LDB2: variants seen among roughly 807,000 people sequenced by gnomAD.
LDB2 encodes the protein LIM domain-binding protein 2.
In LDB2, 12 loss-of-function variants were observed where a neutral mutation model predicts 44.3. The observed-to-expected ratio is 0.27, with a 90% CI of 0.17 to 0.44. The LOEUF (loss-of-function observed/expected upper bound fraction) is 0.44. LDB2 is among the 20% of genes least tolerant of loss of function. LDB2 has a pLI of 1.00. For missense variants in LDB2, 344 were observed against 473.5 expected (o/e 0.73, Z 2.54); for synonymous variants, 164 against 174.8 (o/e 0.94, Z 0.49).
chr4:16,577,674 C>T (rs1712299460), intron 5 of LDB2, among the ~76,000 whole-genome samples: 1 of 152,062 alleles, frequency 6.6e-6, no homozygotes, highest in African/African-American at 2.4e-5. Context: ...TAATGCAATC[C>T]CTATCAAAAT....
At chr4:16,646,349 A>G (rs1406498994) in intron 2 of LDB2, among the ~76,000 whole-genome samples, 1 of 152,190 alleles carries the variant, frequency 6.6e-6, no homozygotes, top group African/African-American at 2.4e-5. Context: ...GTGGAATATT[A>G]GATCCTTCTT....
chr4:16,625,917 C>T (rs1332745745), intron 2 of LDB2, among the ~76,000 whole-genome samples: 1 of 152,114 alleles, frequency 6.6e-6, no homozygotes, highest in Non-Finnish European at 1.5e-5. Context: ...TAAGAATGGT[C>T]TTCTTACTGG....
chr4:16,816,952 GC>G (rs899338142), intron 1 of LDB2, among the ~76,000 whole-genome samples: 4 of 151,798 alleles, frequency 2.6e-5, no homozygotes, highest in Non-Finnish European at 4.4e-5. Flanking sequence ...TGTCATCTGC[GC>G]CCTGTACTTA....
chr4:16,561,458 C>G (rs1354787807), intron 5 of LDB2, among the ~76,000 whole-genome samples: 2 of 152,174 alleles, frequency 1.3e-5, no homozygotes, highest in African/African-American at 2.4e-5. Flanking sequence ...TGAGTGAACT[C>G]CCATTCACAA....
intron 1 of LDB2, among the ~76,000 whole-genome samples, chr4:16,759,665 C>A (rs1049842416): frequency 6.6e-6 from 1 of 152,096 alleles, no homozygotes; most frequent in Non-Finnish European, 1.5e-5. Context: ...ATATTACAAC[C>A]AGGTTAAACA....
At chr4:16,809,019 T>C (rs1779291493) in intron 1 of LDB2, among the ~76,000 whole-genome samples, 1 of 152,212 alleles carries the variant, frequency 6.6e-6, no homozygotes, top group African/African-American at 2.4e-5. Context: ...GAATTATATG[T>C]CATTTCTAGA....
intron 1 of LDB2, chr4:16,889,421 T>G (rs1037724876): frequency 1.3e-5 from 2 of 152,196 alleles, no homozygotes; most frequent in Non-Finnish European, 2.9e-5. Context: ...CCAACAGATT[T>G]GCACTATCCA....
chr4:16,682,904 TC>T (rs908636491), intron 2 of LDB2, among the ~76,000 whole-genome samples: 1 of 152,246 alleles, frequency 6.6e-6, no homozygotes, highest in African/African-American at 2.4e-5. Flanking sequence ...GTAATACCTC[TC>T]AAGAAACTCT....
intron 2 of LDB2, among the ~76,000 whole-genome samples, chr4:16,693,500 C>T (rs778855549): frequency 5.3e-5 from 8 of 152,210 alleles, no homozygotes; most frequent in Admixed American, 3.9e-4. Context: ...GGACCACAGG[C>T]GTGTGCCACC....
intron 1 of LDB2, among the ~76,000 whole-genome samples, chr4:16,797,894 G>A (rs1579761043): frequency 6.6e-6 from 1 of 151,818 alleles, no homozygotes; most frequent in South Asian, 2.1e-4. Flanking sequence ...AATTAGCCAG[G>A]CATGGTGACA....
chr4:16,592,277 T>A (rs896084143), intron 3 of LDB2, among the ~76,000 whole-genome samples: 8 of 152,094 alleles, frequency 5.3e-5, no homozygotes, highest in African/African-American at 1.9e-4. Flanking sequence ...CATAATACAA[T>A]GATTCTCATA....
intron 5 of LDB2, among the ~76,000 whole-genome samples, chr4:16,566,228 GA>G (rs1471513422): frequency 6.6e-6 from 1 of 151,834 alleles, no homozygotes; most frequent in African/African-American, 2.4e-5. Context: ...CACAAATCCT[GA>G]AAAGAAGAAT....
At chr4:16,667,240 A>G (rs949463636) in intron 2 of LDB2, among the ~76,000 whole-genome samples, 2 of 152,192 alleles carry the variant, frequency 1.3e-5, no homozygotes, top group African/African-American at 2.4e-5. Context: ...AGGTATTTTC[A>G]TCACACCATG....
At chr4:16,557,811 A>G (rs912255573) in intron 5 of LDB2, among the ~76,000 whole-genome samples, 7 of 151,928 alleles carry the variant, frequency 4.6e-5, no homozygotes, top group Non-Finnish European at 1.0e-4. Flanking sequence ...ACTGGGAGGC[A>G]CCCCCCAGTA....
intron 1 of LDB2, among the ~76,000 whole-genome samples, chr4:16,848,535 A>G (rs1041230980): frequency 2.0e-5 from 3 of 152,212 alleles, no homozygotes; most frequent in African/African-American, 7.2e-5. Flanking sequence ...TTTGGCCTTC[A>G]GAGACATCCA....
chr4:16,673,734 C>A (rs567168075), intron 2 of LDB2, among the ~76,000 whole-genome samples: 306 of 152,218 alleles, frequency 2.0e-3, no homozygotes, highest in African/African-American at 6.8e-3. Context: ...TACGTAGAGG[C>A]CAGGGATGCT....
intron 2 of LDB2, among the ~76,000 whole-genome samples, chr4:16,635,062 G>A (rs1440594052): frequency 1.3e-5 from 2 of 152,042 alleles, no homozygotes; most frequent in East Asian, 3.9e-4. Context: ...AACACCACAT[G>A]TTCTCACTCA....
At chr4:16,813,935 G>T (rs1257050677) in intron 1 of LDB2, among the ~76,000 whole-genome samples, 1 of 150,820 alleles carries the variant, frequency 6.6e-6, no homozygotes, top group African/African-American at 2.4e-5. Context: ...GCAGTGGCGC[G>T]ATCTCGGCTC....
At chr4:16,542,592 A>T (rs1021309295) in intron 5 of LDB2, among the ~76,000 whole-genome samples, 4 of 152,160 alleles carry the variant, frequency 2.6e-5, no homozygotes, top group Non-Finnish European at 4.4e-5. Flanking sequence ...CGATTCAAAG[A>T]CATTCCAAGT....
Sources: allele counts gnomAD v4.1 joint callset (sites outside exome capture counted in the v4.1 genomes callset), GRCh38; gene constraint gnomAD v4.1.1; transcripts MANE v1.5; gene names NCBI Gene and HGNC (gene_info 2026-07-23, HGNC 2026-07-21).